Variants in DNAJC1 observed in about 807,000 individuals in gnomAD.
DNAJC1 encodes dnaJ homolog subfamily C member 1.
Under a neutral mutation model 76.6 loss-of-function variants are expected in DNAJC1, and 58 were observed. The ratio of observed to expected loss-of-function variants is 0.76; its 90% CI spans 0.61 to 0.94. DNAJC1 has a LOEUF of 0.94. DNAJC1 is among the 40% of genes least tolerant of loss of function. The pLI is 0.00. For synonymous variants in DNAJC1, 258 were observed against 267.9 expected (o/e 0.96, Z 0.36); for missense variants, 689 against 677.3 (o/e 1.02, Z -0.19).
At chr10:21,946,815 T>C (rs1837513241) in intron 1 of DNAJC1, among the ~76,000 whole-genome samples, 1 of 152,124 alleles carries the variant, frequency 6.6e-6, no homozygotes, top group Non-Finnish European at 1.5e-5. Context: ...CCTGCTATGG[T>C]TTGAATGTGT....
intron 9 of DNAJC1, among the ~76,000 whole-genome samples, chr10:21,781,906 G>C (rs926755940): frequency 2.0e-5 from 3 of 152,186 alleles, no homozygotes; most frequent in Non-Finnish European, 2.9e-5. Context: ...GCAGTGAGTA[G>C]AGGGAAATTT....
rs1047162401 is a variant in DNAJC1, at chr10:21,821,409, A to G, written c.979-15310T>C. On this transcript the variant is annotated intron_variant, in intron 8 of 11. Transcript: ENST00000376980. ...CTTCTTTATATAACTGTTTTTCTCT[A>G]TAGATTATAATCTCCTAAAGTTTGG... Among the ~76,000 whole-genome samples, 7 of 152,300 alleles carry G rather than the reference A, an allele frequency of 4.6e-5. No homozygotes were observed. The South Asian group carries it at 1.4e-3, about 32-fold the overall frequency.
At chr10:21,837,600 G>GCCA (rs1835485921) in intron 8 of DNAJC1, among the ~76,000 whole-genome samples, 1 of 150,670 alleles carries the variant, frequency 6.6e-6, no homozygotes, top group African/African-American at 2.4e-5. Flanking sequence ...CTGCCCGGCC[G>GCCA]CCCCATCTGA....
rs115956802 is a variant in DNAJC1, at chr10:21,935,134, T to A, written c.223-5993A>T. Reference sequence around the variant, plus strand: ...AGTATGGTCTTCAGAGAAAAAAAATTAATAGAAATTATCCCTGAGGATGTC... The same window carrying A: ...AGTATGGTCTTCAGAGAAAAAAAATAAATAGAAATTATCCCTGAGGATGTC... On this transcript the variant is annotated intron_variant, in intron 1 of 11. Coordinates refer to ENST00000376980, the MANE Select transcript of DNAJC1 (RefSeq NM_022365.4). Among the ~76,000 whole-genome samples, 880 of 152,146 alleles carry A rather than the reference T, an allele frequency of 5.8e-3. 5 individuals carry two copies. The highest frequency in any genetic ancestry group is 0.02 in the African/African-American group (825 of 41,514).
intron 1 of DNAJC1, among the ~76,000 whole-genome samples, chr10:21,986,619 A>G (rs1267421394): frequency 6.6e-6 from 1 of 152,136 alleles, no homozygotes; most frequent in East Asian, 1.9e-4. Flanking sequence ...TCTTTATTCT[A>G]TAAATATGTA....
chr10:21,956,518 C>T (rs1837685715), intron 1 of DNAJC1, among the ~76,000 whole-genome samples: 1 of 151,444 alleles, frequency 6.6e-6, no homozygotes, highest in African/African-American at 2.4e-5. Context: ...TATATATACA[C>T]ATATAAATTT....
At chr10:21,896,806 C>T (rs72806330) in intron 7 of DNAJC1, among the ~76,000 whole-genome samples, 27 of 152,166 alleles carry the variant, frequency 1.8e-4, no homozygotes, top group Non-Finnish European at 2.9e-4. Context: ...TGGAAGCAAC[C>T]TCCAATGCAA....
At chr10:21,775,300 AC>A (rs1169284466) in intron 9 of DNAJC1, among the ~76,000 whole-genome samples, 5 of 148,218 alleles carry the variant, frequency 3.4e-5, no homozygotes, top group African/African-American at 1.2e-4. Flanking sequence ...CTGTCATAAG[AC>A]AGTTTCATAA....
intron 8 of DNAJC1, among the ~76,000 whole-genome samples, chr10:21,878,923 CTATATT>C (rs1482224944): frequency 2.6e-5 from 4 of 151,924 alleles, no homozygotes; most frequent in Admixed American, 6.6e-5. Context: ...ATAAATTGTG[CTATATT>C]TATAAAGTAT....
chr10:21,927,423 C>CA (rs1837146848), intron 3 of DNAJC1, among the ~76,000 whole-genome samples: 1 of 152,118 alleles, frequency 6.6e-6, no homozygotes, highest in African/African-American at 2.4e-5. Context: ...GTATTACCCC[C>CA]CTAGTGAAGG....
At chr10:21,845,206 A>T (rs1016653380) in intron 8 of DNAJC1, among the ~76,000 whole-genome samples, 19 of 151,978 alleles carry the variant, frequency 1.3e-4, no homozygotes, top group Non-Finnish European at 7.4e-5. Flanking sequence ...AAGATGATAA[A>T]CTGCAAATTT....
intron 6 of DNAJC1, among the ~76,000 whole-genome samples, chr10:21,905,605 C>A (rs1386398693): frequency 1.3e-5 from 2 of 152,180 alleles, no homozygotes; most frequent in Non-Finnish European, 2.9e-5. Context: ...TTGTACACTA[C>A]TTCTATATTT....
intron 1 of DNAJC1, among the ~76,000 whole-genome samples, chr10:21,958,568 C>T (rs1178909198): frequency 6.6e-6 from 1 of 152,060 alleles, no homozygotes; most frequent in Non-Finnish European, 1.5e-5. Context: ...GCTAGGACTA[C>T]AGTGCGTGCC....
chr10:21,944,041 T>A, intron 1 of DNAJC1, among the ~76,000 whole-genome samples: 1 of 152,164 alleles, frequency 6.6e-6, no homozygotes, highest in South Asian at 2.1e-4. Flanking sequence ...CTACCTTATA[T>A]CCAGAATACT....
chr10:21,994,367 G>A (rs985259648), intron 1 of DNAJC1, among the ~76,000 whole-genome samples: 1 of 152,144 alleles, frequency 6.6e-6, no homozygotes, highest in Non-Finnish European at 1.5e-5. Context: ...TTTACTTTAA[G>A]TTAAATCTTA....
intron 6 of DNAJC1, among the ~76,000 whole-genome samples, chr10:21,917,118 T>C (rs1836970539): frequency 6.6e-6 from 1 of 152,032 alleles, no homozygotes; most frequent in Non-Finnish European, 1.5e-5. Flanking sequence ...AAATTCAAAG[T>C]GATCAGTTAA....
intron 6 of DNAJC1, among the ~76,000 whole-genome samples, chr10:21,907,978 A>G (rs1170130248): frequency 7.6e-6 from 1 of 131,712 alleles, no homozygotes; most frequent in Non-Finnish European, 1.5e-5. Context: ...ACTCTGTCTG[A>G]AATATATGAA....
intron 1 of DNAJC1, 127 bp from the exon 2 acceptor site, chr10:21,929,268 A>T (rs564124474): frequency 4.8e-6 from 3 of 627,182 alleles, no homozygotes; most frequent in Non-Finnish European, 8.3e-6. Context: ...TAATTTGAGC[A>T]ATCAGTCTTA....
rs557502059 is a variant in DNAJC1, at chr10:21,844,226, G to A, written c.978+38056C>T. 1.1e-4 allele frequency among the ~76,000 whole-genome samples: 17 copies of A among 151,936 alleles called. No individual in the cohort carries two copies. The South Asian group carries it at 2.1e-3, about 19-fold the overall frequency. Reference sequence around the variant, plus strand: ...AATGGACCAATATACTCAGTCTCCCGAGTAGCTGGGATTACAGCTGTGCGC... The same window carrying A: ...AATGGACCAATATACTCAGTCTCCCAAGTAGCTGGGATTACAGCTGTGCGC... On this transcript the variant is annotated intron_variant, in intron 8 of 11. Coordinates refer to ENST00000376980, the MANE Select transcript of DNAJC1 (RefSeq NM_022365.4).
Sources: allele counts gnomAD v4.1 joint callset (sites outside exome capture counted in the v4.1 genomes callset), GRCh38; gene constraint gnomAD v4.1.1; transcripts MANE v1.5; gene names NCBI Gene and HGNC (gene_info 2026-07-23, HGNC 2026-07-21).